Variants in C8orf58 observed in about 807,000 individuals in gnomAD.
C8orf58 encodes uncharacterized protein C8orf58.
In C8orf58, 31 loss-of-function variants were observed where a neutral mutation model predicts 36.8. The observed-to-expected ratio is 0.84, with a 90% CI of 0.63 to 1.14. The LOEUF (loss-of-function observed/expected upper bound fraction) is 1.14, where lower values mean the gene tolerates loss of function less well. Among genes scored for constraint, C8orf58 ranks in the 50% most tolerant of loss-of-function variants. The pLI, the probability that C8orf58 is intolerant of heterozygous loss-of-function variation, is 0.00. For synonymous variants in C8orf58, 230 were observed against 200.2 expected, an observed-to-expected ratio of 1.15 and a Z score of -1.26; for missense variants, 538 against 480.8, an observed-to-expected ratio of 1.12 and a Z score of -1.11.
At position 22,603,189 on chromosome 8, in the gene C8orf58, C is replaced by T. The variant is rs368513757; in HGVS notation, c.987-6C>T. On this transcript the variant is annotated splice_polypyrimidine_tract_variant and splice_region_variant and intron_variant, in intron 6 of 6. Transcript: ENST00000289989. The stretch of plus-strand genomic sequence containing the variant: ...TCTAGCCTAATGTCTTCTTTTCATT[C>T]CACAGGATCGAGTCCAGGGACCTCC... The T allele has an allele frequency of 1.1e-5, 17 of 1,600,454 alleles. No individual in the cohort carries two copies. Among genetic ancestry groups the T allele is most frequent in the Non-Finnish European group, 1.5e-5 (17 of 1,167,836 alleles).
Position 22,601,079 on chromosome 8 carries a change from C to T in C8orf58, c.238C>T (p.Leu80=), listed in dbSNP as rs1205808975. Residue 80 remains leucine (L), a synonymous_variant, in exon 2 of 7, where the codon CTG becomes TTG. Coordinates refer to ENST00000289989, the MANE Select transcript of C8orf58 (RefSeq NM_001013842.3). ...GGAGATGGCAGTTGGGGACAGCCCC[C>T]TGGCCGCCTTACCGGGCCTTTCTCA... ...GVEMAVGDSP[L]AALPGLSQDS... 6.2e-7 allele frequency: 1 copy of T among 1,612,734 alleles called. No homozygotes were observed. Among genetic ancestry groups the T allele is most frequent in the African/African-American group, 1.3e-5 (1 of 75,066 alleles).
rs199601151 is a variant in C8orf58, at chr8:22,601,871, G to C, written c.657+19G>C. 5.0e-6 allele frequency: 8 copies of C among 1,593,360 alleles called. No homozygotes were observed. In the East Asian group the frequency reaches 1.6e-4, roughly 31 times the overall value. ...CCCAGGGGTGAGTGAGATTCGAGTG[G>C]GGGAGGGAGAGGACAGATGGGACCC... On this transcript the variant is annotated intron_variant, in intron 3 of 6. Coordinates refer to ENST00000289989, the MANE Select transcript of C8orf58 (RefSeq NM_001013842.3).
In C8orf58 at chr8:22,603,565, C is replaced by G; in HGVS notation, c.*259C>G. Reference sequence around the variant, plus strand: ...TCCCTGGGCTTCCACAATGTGAACTCACTCATTGTCAGGTGTCCGTGGAGT... The same window carrying G: ...TCCCTGGGCTTCCACAATGTGAACTGACTCATTGTCAGGTGTCCGTGGAGT... On this transcript the variant is annotated 3_prime_UTR_variant, in exon 7 of 7. Transcript: ENST00000289989. The G allele has an allele frequency of 1.9e-6, 1 of 536,034 alleles. No homozygotes were observed. Among genetic ancestry groups the G allele is most frequent in the Non-Finnish European group, 3.4e-6 (1 of 296,382 alleles). 33.2% of individuals were successfully genotyped at this position (536,034 alleles called of 1,614,324 possible).
Position 22,603,591 on chromosome 8 carries a change from G to A in C8orf58, c.*285G>A, listed in dbSNP as rs150650211. 796 of 493,762 alleles carry A rather than the reference G, an allele frequency of 1.6e-3. 4 individuals are homozygous for A. The highest frequency in any genetic ancestry group is 0.014 in the African/African-American group (707 of 51,642). 30.6% of individuals were successfully genotyped at this position (493,762 alleles called of 1,614,324 possible). ...ACTCATTGTCAGGTGTCCGTGGAGT[G>A]TTTTTGGCATGGTGACCTGTCTGGG... On this transcript the variant is annotated 3_prime_UTR_variant, in exon 7 of 7. Coordinates refer to ENST00000289989, the MANE Select transcript of C8orf58 (RefSeq NM_001013842.3).
In C8orf58 at chr8:22,603,591, GT is replaced by G; in HGVS notation, c.*290del. The stretch of plus-strand genomic sequence containing the variant: ...ACTCATTGTCAGGTGTCCGTGGAGT[GT>G]TTTTGGCATGGTGACCTGTCTGGGC... On this transcript the variant is annotated 3_prime_UTR_variant, in exon 7 of 7. Transcript: ENST00000289989. 4 of 493,744 alleles carry G rather than the reference GT, an allele frequency of 8.1e-6. No individual in the cohort carries two copies. Among genetic ancestry groups the G allele is most frequent in the East Asian group, 3.8e-5 (1 of 26,064 alleles). The allele number at this position is 493,744 out of a possible 1,614,324, so 30.6% of individuals were successfully genotyped here.
chr8:22,601,165 C>G lies in C8orf58; in HGVS notation c.324C>G (p.Leu108=). 1 of 1,610,212 alleles carries G rather than the reference C, an allele frequency of 6.2e-7. No homozygotes were observed. Among genetic ancestry groups the G allele is most frequent in the Non-Finnish European group, 8.5e-7 (1 of 1,178,968 alleles). The part of the protein sequence containing the change: ...SSEPPAQVGR[L]LASQKLGEVL... The stretch of plus-strand genomic sequence containing the variant: ...AGCCCCCCGCCCAGGTAGGCCGACT[C>G]CTGGCCAGCCAGAAGCTGGGGGAGG... The change falls in exon 2 of 7, where the codon CTC becomes CTG. Residue 108 remains leucine (L), a synonymous_variant. Coordinates refer to ENST00000289989, the MANE Select transcript of C8orf58 (RefSeq NM_001013842.3).
In C8orf58 at chr8:22,601,693, A is replaced by G. The variant is rs763878901; in HGVS notation, c.517-19A>G. The G allele has an allele frequency of 2.0e-5, 31 of 1,588,982 alleles. No homozygotes were observed. The East Asian group carries it at 6.0e-4, about 31-fold the overall frequency. ...AGCCCTACTGGCTGAAATCTCCCCT[A>G]TCTCACAATGTCCCACAGGTGGGGG... On this transcript the variant is annotated intron_variant, in intron 2 of 6. Transcript: ENST00000289989.
In C8orf58 at chr8:22,600,180, C is replaced by A. The variant is rs1050031813; in HGVS notation, c.40+420C>A. 19 of 171,902 alleles carry A rather than the reference C, an allele frequency of 1.1e-4. No individual in the cohort carries two copies. The Admixed American group carries it at 1.1e-3, about 10-fold the overall frequency. 10.6% of individuals were successfully genotyped at this position (171,902 alleles called of 1,614,324 possible). On this transcript the variant is annotated intron_variant, in intron 1 of 6. Coordinates refer to ENST00000289989, the MANE Select transcript of C8orf58 (RefSeq NM_001013842.3). ...GTGCCCCGCAGCTCGTCCCCGCCCC[C>A]CTAGCCTGTTTCCCGTACCGTTCAT...
chr8:22,603,550 T>C lies in C8orf58; in HGVS notation c.*244T>C. On this transcript the variant is annotated 3_prime_UTR_variant, in exon 7 of 7. Coordinates refer to ENST00000289989, the MANE Select transcript of C8orf58 (RefSeq NM_001013842.3). ...CCTCCTCACCAGAAATCCCTGGGCT[T>C]CCACAATGTGAACTCACTCATTGTC... The C allele has an allele frequency of 1.8e-6, 1 of 560,942 alleles. No individual in the cohort carries two copies. Among genetic ancestry groups the C allele is most frequent in the East Asian group, 3.1e-5 (1 of 32,176 alleles). 34.7% of individuals were successfully genotyped at this position (560,942 alleles called of 1,614,324 possible).
chr8:22,602,855 C>G (rs544844374), intron 6 of C8orf58: 1 of 579,302 alleles, frequency 1.7e-6, no homozygotes, highest in African/African-American at 1.9e-5. Flanking sequence ...TTTTCCAAAG[C>G]CGCACGGTGA....
intron 1 of C8orf58, chr8:22,600,485 C>T (rs1042535786): frequency 1.9e-5 from 4 of 215,424 alleles, no homozygotes; most frequent in Non-Finnish European, 2.8e-5. Context: ...TGTACCCTCT[C>T]CCCTCTCCCT....
rs375493498 is a variant in C8orf58 at position 22,601,996 on chromosome 8, C to G, written c.682C>G (p.Arg228Gly). 4.5e-6 allele frequency: 7 copies of G among 1,562,032 alleles called. No individual in the cohort carries two copies. The Admixed American group carries it at 1.3e-4, about 28-fold the overall frequency. Residue 228 changes from arginine (R) to glycine (G), a missense_variant, in exon 4 of 7, where the codon CGA becomes GGA. Arg to Gly is a moderately radical substitution (Grantham distance 125). Transcript: ENST00000289989. ...PGDPGEEEST[R>G]APLPSPLHTP... is the part of the protein sequence containing the mutation. ...GGATCCCGGCGAGGAGGAGTCGACC[C>G]GAGCCCCTTTACCGTCCCCGTTACA...
chr8:22,601,921 C>G, intron 3 of C8orf58, 51 bp from the exon 4 acceptor site: 2 of 1,550,066 alleles, frequency 1.3e-6, no homozygotes, highest in Non-Finnish European at 1.7e-6. Flanking sequence ...GCCCTCAGAG[C>G]AGCTTCAGCC....
chr8:22,600,523 T>G, intron 1 of C8orf58: 1 of 289,484 alleles, frequency 3.5e-6, no homozygotes, highest in Non-Finnish European at 6.7e-6. Flanking sequence ...TACTCCCGCT[T>G]GGGGAGCAGC....
Position 22,601,180 on chromosome 8 carries a change from G to T in C8orf58, c.339G>T (p.Lys113Asn), listed in dbSNP as rs534172908. 1.2e-6 allele frequency: 2 copies of T among 1,609,852 alleles called. No individual in the cohort carries two copies. Among genetic ancestry groups the T allele is most frequent in the South Asian group, 2.2e-5 (2 of 90,878 alleles). ...TAGGCCGACTCCTGGCCAGCCAGAAGCTGGGGGAGGTGTTGGAGCGGTCCC... is the reference window on the plus strand; with the variant it reads ...TAGGCCGACTCCTGGCCAGCCAGAATCTGGGGGAGGTGTTGGAGCGGTCCC... ...AQVGRLLASQ[K>N]LGEVLERSRR... The change falls in exon 2 of 7, where the codon AAG becomes AAT. Residue 113 changes from lysine to asparagine, a missense_variant. Coordinates refer to ENST00000289989, the MANE Select transcript of C8orf58 (RefSeq NM_001013842.3).
chr8:22,599,700 G>A lies in C8orf58; in HGVS notation c.-21G>A, dbSNP rs1800794684. The stretch of plus-strand genomic sequence containing the variant: ...ATCCTCGGGCGGCTGCATTGGCCGG[G>A]GCCGGGGCCGGGAGCGGGCCATGAT... On this transcript the variant is annotated 5_prime_UTR_variant, in exon 1 of 7. Transcript: ENST00000289989. 2 of 1,207,998 alleles carry A rather than the reference G, an allele frequency of 1.7e-6. No individual in the cohort carries two copies. The highest frequency in any genetic ancestry group is 2.1e-6 in the Non-Finnish European group (2 of 971,336). The allele number at this position is 1,207,998 out of a possible 1,614,324, so 74.8% of individuals were successfully genotyped here. A position where few individuals can be genotyped will look rare whatever the true frequency, so the allele number is the denominator to read the frequency against.
chr8:22,601,577 T>TTCCCCACTGCCCAGC, intron 2 of C8orf58, 135 bp from the exon 3 acceptor site: 1 of 1,164,314 alleles, frequency 8.6e-7, no homozygotes, highest in Non-Finnish European at 1.2e-6. Context: ...CGCTGGGCAG[T>TTCCCCACTGCCCAGC]GGGGAAGCCG....
At position 22,600,956 on chromosome 8, in the gene C8orf58, G is replaced by C; in HGVS notation, c.115G>C (p.Ala39Pro). The C allele has an allele frequency of 6.2e-7, 1 of 1,612,612 alleles. No individual in the cohort carries two copies. The highest frequency in any genetic ancestry group is 8.5e-7 in the Non-Finnish European group (1 of 1,180,002). The change falls in exon 2 of 7, where the codon GCT becomes CCT. Residue 39 changes from alanine (A) to proline (P), a missense_variant. Transcript: ENST00000289989. ...CAGCACCTACAGACGGATCCCCGAC[G>C]CTGCCCACGGGTGCTCATCCTGGGA... ...VTSTYRRIPD[A>P]AHGCSSWERG...
chr8:22,602,683 A>G, intron 6 of C8orf58, 40 bp downstream of exon 6: 1 of 1,283,132 alleles, frequency 7.8e-7, no homozygotes, highest in East Asian at 2.3e-5. Context: ...CACGGAGAGG[A>G]GACTGATAAG....
Sources: allele counts gnomAD v4.1 joint callset, GRCh38; gene constraint gnomAD v4.1.1; transcripts MANE v1.5; gene names NCBI Gene and HGNC (gene_info 2026-07-23, HGNC 2026-07-21).